Variants in ARHGEF28 observed in about 807,000 individuals in gnomAD.
The protein encoded by ARHGEF28 is Rho guanine nucleotide exchange factor 28.
A neutral mutation model predicts 206.6 loss-of-function variants in ARHGEF28; 152 were observed. The observed-to-expected ratio is 0.74, with a 90% CI of 0.64 to 0.84. The LOEUF (loss-of-function observed/expected upper bound fraction) is 0.84. Among genes scored for constraint, ARHGEF28 ranks in the 40% least tolerant of loss-of-function variants. The pLI, the probability that ARHGEF28 is intolerant of heterozygous loss-of-function variation, is 0.00. For missense variants in ARHGEF28, 2,028 were observed against 2,073.2 expected (o/e 0.98, Z 0.42); for synonymous variants, 763 against 776.4 (o/e 0.98, Z 0.29).
At chr5:73,645,758 G>A (rs1234978422) in intron 1 of ARHGEF28, among the ~76,000 whole-genome samples, 3 of 152,008 alleles carry the variant, frequency 2.0e-5, no homozygotes, top group Non-Finnish European at 4.4e-5. Flanking sequence ...TAGAGGTCTT[G>A]TGCATTTCTA....
intron 4 of ARHGEF28, among the ~76,000 whole-genome samples, chr5:73,771,899 G>A (rs1753247139): frequency 6.6e-6 from 1 of 152,104 alleles, no homozygotes. Flanking sequence ...TTAAACAAAT[G>A]TCTGGCAGGA....
At chr5:73,720,456 T>A (rs1397123683) in intron 2 of ARHGEF28, among the ~76,000 whole-genome samples, 2 of 152,036 alleles carry the variant, frequency 1.3e-5, no homozygotes, top group African/African-American at 4.8e-5. Context: ...CAGGAGAGAT[T>A]GGACTCAGCC....
At chr5:73,924,611 C>G (rs1269871818) in intron 35 of ARHGEF28, among the ~76,000 whole-genome samples, 1 of 152,138 alleles carries the variant, frequency 6.6e-6, no homozygotes, top group African/African-American at 2.4e-5. Context: ...CTCTGGGGAC[C>G]AGAGAGACTT....
At chr5:73,893,701 G>A (rs78028221) in intron 28 of ARHGEF28, among the ~76,000 whole-genome samples, 13,888 of 152,190 alleles carry the variant, frequency 0.091, 865 homozygotes, top group South Asian at 0.18. Flanking sequence ...CTCTACTCTG[G>A]TTGGACACTG....
intron 1 of ARHGEF28, among the ~76,000 whole-genome samples, chr5:73,674,772 G>A (rs1489913389): frequency 1.3e-5 from 2 of 152,186 alleles, no homozygotes; most frequent in Non-Finnish European, 2.9e-5. Context: ...GGCCAATGAT[G>A]CAATGAGTCA....
At chr5:73,927,686 G>A (rs1123167) in intron 35 of ARHGEF28, among the ~76,000 whole-genome samples, 2,280 of 152,188 alleles carry the variant, frequency 0.015, 47 homozygotes, top group African/African-American at 0.052. Flanking sequence ...TGCTGTTTTG[G>A]TACTTTAAGG....
chr5:73,852,449 C>T (rs565402776), intron 13 of ARHGEF28, among the ~76,000 whole-genome samples: 12 of 152,246 alleles, frequency 7.9e-5, no homozygotes, highest in Middle Eastern at 3.4e-3. Flanking sequence ...CCATGTTTCT[C>T]CCTACCCTCT....
chr5:73,867,799 T>C lies in ARHGEF28; in HGVS notation c.2153-77T>C, dbSNP rs950306171. ...CAAGTAGTCATTGCAGGGTTTAGCTTTCTGGCTTTTAAGTGACTACTTTTA... is the reference window on the plus strand; with the variant it reads ...CAAGTAGTCATTGCAGGGTTTAGCTCTCTGGCTTTTAAGTGACTACTTTTA... On this transcript the variant is annotated intron_variant, in intron 18 of 35. Transcript: ENST00000513042. 1.9e-6 allele frequency: 3 copies of C among 1,586,218 alleles called. No homozygotes were observed. The African/African-American group carries it at 4.0e-5, about 21-fold the overall frequency.
rs934819007 is a variant in ARHGEF28, at chr5:73,941,972, A to G, written c.*959A>G. Reference sequence around the variant, plus strand: ...AATACTTGTATGTATTTTGGTGTCAATAAATATCTTGTACCTCATTATTTT... The same window carrying G: ...AATACTTGTATGTATTTTGGTGTCAGTAAATATCTTGTACCTCATTATTTT... On this transcript the variant is annotated 3_prime_UTR_variant, in exon 36 of 36. Transcript: ENST00000513042. The G allele has an allele frequency of 3.3e-5, 5 of 152,342 alleles. No homozygotes were observed. Among genetic ancestry groups the G allele is most frequent in the South Asian group, 2.1e-4 (1 of 4,830 alleles). The allele number at this position is 152,342 out of a possible 1,614,324, so 9.4% of individuals were successfully genotyped here. A position where few individuals can be genotyped will look rare whatever the true frequency, so the allele number is the denominator to read the frequency against.
At chr5:73,805,193 A>G (rs966936127) in intron 9 of ARHGEF28, among the ~76,000 whole-genome samples, 3 of 152,118 alleles carry the variant, frequency 2.0e-5, no homozygotes, top group Non-Finnish European at 4.4e-5. Context: ...AACATTGTAT[A>G]TATCTTTTTT....
intron 2 of ARHGEF28, among the ~76,000 whole-genome samples, chr5:73,729,484 A>T (rs1428760572): frequency 6.6e-6 from 1 of 152,198 alleles, no homozygotes; most frequent in Non-Finnish European, 1.5e-5. Context: ...TGCTGGCTGG[A>T]TCTTGCCCCA....
chr5:73,858,656 C>T (rs2112614437), intron 16 of ARHGEF28, among the ~76,000 whole-genome samples: 1 of 152,300 alleles, frequency 6.6e-6, no homozygotes, highest in Admixed American at 6.5e-5. Context: ...AAACCAGGCA[C>T]TTGTCACCCC....
intron 4 of ARHGEF28, among the ~76,000 whole-genome samples, chr5:73,767,404 GC>G (rs1298943659): frequency 6.6e-6 from 1 of 152,152 alleles, no homozygotes; most frequent in Non-Finnish European, 1.5e-5. Context: ...TTGTTGAATG[GC>G]TTTGCCCAAA....
At chr5:73,729,853 A>T (rs796691849) in intron 2 of ARHGEF28, among the ~76,000 whole-genome samples, 1 of 152,182 alleles carries the variant, frequency 6.6e-6, no homozygotes, top group Non-Finnish European at 1.5e-5. Flanking sequence ...TTACACACTA[A>T]CTATTGTTTT....
intron 1 of ARHGEF28, among the ~76,000 whole-genome samples, chr5:73,661,990 A>G (rs2112192449): frequency 6.6e-6 from 1 of 152,274 alleles, no homozygotes; most frequent in South Asian, 2.1e-4. Flanking sequence ...TTTGTAAGAA[A>G]CACAATATCT....
chr5:73,684,278 CTA>C (rs950479871), intron 1 of ARHGEF28, among the ~76,000 whole-genome samples: 1 of 152,160 alleles, frequency 6.6e-6, no homozygotes, highest in Non-Finnish European at 1.5e-5. Flanking sequence ...CTACTTTTTT[CTA>C]TGAGTTGGAC....
rs768718513 is a variant in ARHGEF28 at position 73,858,170 on chromosome 5, T to G, written c.1998T>G (p.Cys666Trp). Reference protein sequence around the residue: ...APGTFSGVLQCLVCDKTLLGK... With the variant: ...APGTFSGVLQWLVCDKTLLGK... Reference sequence around the variant, plus strand: ...GAACATTCTCTGGGGTTCTGCAGTGTTTGGTTTGTGATAAAACACTCCTGG... The same window carrying G: ...GAACATTCTCTGGGGTTCTGCAGTGGTTGGTTTGTGATAAAACACTCCTGG... Residue 666 changes from cysteine to tryptophan, a missense_variant, in exon 16 of 36, where the codon TGT becomes TGG. Physicochemically the swap from Cys to Trp is radical, Grantham distance 215 (BLOSUM62 -2). Coordinates refer to ENST00000513042, the MANE Select transcript of ARHGEF28 (RefSeq NM_001177693.2). 6.2e-7 allele frequency: 1 copy of G among 1,611,382 alleles called. No individual in the cohort carries two copies. The highest frequency in any genetic ancestry group is 1.1e-5 in the South Asian group (1 of 90,528).
chr5:73,716,538 C>T (rs1417123935), intron 2 of ARHGEF28, among the ~76,000 whole-genome samples: 2 of 152,084 alleles, frequency 1.3e-5, no homozygotes, highest in Non-Finnish European at 2.9e-5. Flanking sequence ...ACTCTGTGGC[C>T]CTAGGAGCGT....
intron 35 of ARHGEF28, among the ~76,000 whole-genome samples, chr5:73,918,849 A>G (rs765015492): frequency 2.0e-5 from 3 of 152,182 alleles, no homozygotes; most frequent in African/African-American, 4.8e-5. Flanking sequence ...AAAAAAATAC[A>G]GGTTCCTCTA....
Sources: allele counts gnomAD v4.1 joint callset (sites outside exome capture counted in the v4.1 genomes callset), GRCh38; gene constraint gnomAD v4.1.1; transcripts MANE v1.5; gene names NCBI Gene and HGNC (gene_info 2026-07-23, HGNC 2026-07-21).